The following DBX2 variants were observed in gnomAD, a reference collection of about 807,000 sequenced individuals.
DBX2 encodes the protein homeobox protein DBX2.
DBX2 carries 16 observed loss-of-function variants against 17.7 expected under a neutral mutation model. That is an observed-to-expected ratio of 0.90 (90% CI 0.61 to 1.37). The LOEUF is 1.37. DBX2 is among the 40% of genes most tolerant of loss of function. DBX2 has a pLI of 0.00. For missense variants in DBX2, 538 were observed against 433.8 expected (o/e 1.24, Z -2.13); for synonymous variants, 255 against 183.8 (o/e 1.39, Z -3.13).
intron 1 of DBX2, among the ~76,000 whole-genome samples, chr12:45,041,122 A>G (rs1592758279): frequency 6.7e-6 from 1 of 148,374 alleles, no homozygotes; most frequent in African/African-American, 2.4e-5. Flanking sequence ...ACAAATAATA[A>G]TATTAATAAA....
chr12:45,046,962 T>C (rs557779191), intron 1 of DBX2, among the ~76,000 whole-genome samples: 4 of 152,202 alleles, frequency 2.6e-5, no homozygotes, highest in African/African-American at 7.2e-5. Flanking sequence ...AGCAGAAGAA[T>C]AGATTTAATA....
chr12:45,031,225 T>TGTGTGAGAGAGA (rs1377897653), intron 2 of DBX2, among the ~76,000 whole-genome samples: 78 of 85,650 alleles, frequency 9.1e-4, no homozygotes, highest in Admixed American at 1.2e-3. Flanking sequence ...TGTGTGTGTG[T>TGTGTGAGAGAGA]GAGAGAGAGA....
intron 2 of DBX2, among the ~76,000 whole-genome samples, chr12:45,028,109 T>C (rs930704844): frequency 1.3e-5 from 2 of 152,150 alleles, no homozygotes; most frequent in African/African-American, 4.8e-5. Context: ...TGCAGAGGCA[T>C]GAAGCCAGGT....
At chr12:45,022,588 G>A (rs1210182032) in intron 3 of DBX2, among the ~76,000 whole-genome samples, 1 of 152,072 alleles carries the variant, frequency 6.6e-6, no homozygotes, top group Non-Finnish European at 1.5e-5. Context: ...ACAGGTGTGA[G>A]CCACCGCGCC....
At chr12:45,020,907 C>T (rs1181642411) in intron 3 of DBX2, among the ~76,000 whole-genome samples, 5 of 151,940 alleles carry the variant, frequency 3.3e-5, no homozygotes, top group Admixed American at 1.3e-4. Context: ...TTCAAACAAG[C>T]GCCATTTGTA....
Position 45,023,782 on chromosome 12 carries a change from C to T in DBX2, c.612G>A (p.Met204Ile), listed in dbSNP as rs1946365671. The T allele has an allele frequency of 6.2e-7, 1 of 1,614,016 alleles. No homozygotes were observed. Among genetic ancestry groups the T allele is most frequent in the Non-Finnish European group, 8.5e-7 (1 of 1,179,962 alleles). The part of the protein sequence containing the change: ...SEDQRKALEK[M>I]FQKQKYISKT... The stretch of plus-strand genomic sequence containing the variant: ...TGCTGATATATTTCTGTTTCTGAAA[C>T]ATTTTCTCCAGAGCCTTTCTCTGGT... The change falls in exon 3 of 4, where the codon ATG (methionine) becomes ATA (isoleucine). Residue 204 changes from methionine (M) to isoleucine (I), a missense_variant. Transcript: ENST00000332700.
intron 2 of DBX2, among the ~76,000 whole-genome samples, chr12:45,030,842 A>G (rs2256695): frequency 0.99 from 150,727 of 152,322 alleles, 74,597 homozygotes; most frequent in East Asian, 1. Context: ...ACTCAAGCCA[A>G]GGGCTACCAA....
chr12:45,029,089 C>T (rs1946395911), intron 2 of DBX2, among the ~76,000 whole-genome samples: 1 of 152,144 alleles, frequency 6.6e-6, no homozygotes, highest in South Asian at 2.1e-4. Context: ...TTTATGTCTC[C>T]AAAACACATG....
At chr12:45,017,828 T>A (rs1295542684) in intron 3 of DBX2, among the ~76,000 whole-genome samples, 1 of 152,164 alleles carries the variant, frequency 6.6e-6, no homozygotes, top group African/African-American at 2.4e-5. Flanking sequence ...TTGCATCACA[T>A]CCTTACACTA....
At chr12:45,039,533 T>C (rs370394819) in intron 1 of DBX2, among the ~76,000 whole-genome samples, 14 of 151,722 alleles carry the variant, frequency 9.2e-5, no homozygotes, top group South Asian at 6.2e-4. Context: ...CTAGATGCAG[T>C]TGCTTAATCA....
At chr12:45,024,111 T>G (rs548945875) in intron 2 of DBX2, among the ~76,000 whole-genome samples, 84 of 152,110 alleles carry the variant, frequency 5.5e-4, no homozygotes, top group Non-Finnish European at 6.3e-4. Flanking sequence ...TCGTGGGAGG[T>G]AATTGAATCA....
rs576898260 is a variant in DBX2 at position 45,023,874 on chromosome 12, G to A, written c.520C>T (p.Leu174Phe). 1.7e-5 allele frequency: 27 copies of A among 1,574,370 alleles called. No homozygotes were observed. Among genetic ancestry groups the A allele is most frequent in the Non-Finnish European group, 2.2e-5 (26 of 1,165,180 alleles). Residue 174 changes from leucine to phenylalanine, a missense_variant, in exon 3 of 4, where the codon CTC becomes TTC. Coordinates refer to ENST00000332700, the MANE Select transcript of DBX2 (RefSeq NM_001004329.3). The stretch of plus-strand genomic sequence containing the variant: ...TTGGAATTAGAGTCCTGTGTCAGGA[G>A]AGGCAGCATGCTCTCTTCTCCTAGA... ...AFPREESMLP[L>F]LTQDSNSKAR...
intron 2 of DBX2, among the ~76,000 whole-genome samples, chr12:45,025,399 A>AT (rs1247203326): frequency 6.6e-6 from 1 of 152,138 alleles, no homozygotes; most frequent in Non-Finnish European, 1.5e-5. Flanking sequence ...CCCCTGCTTG[A>AT]TTTTAGCCCT....
At chr12:45,035,712 A>G (rs755289916) in intron 2 of DBX2, among the ~76,000 whole-genome samples, 1 of 152,096 alleles carries the variant, frequency 6.6e-6, no homozygotes. Context: ...TCTTTAAAGG[A>G]GTGTTGCTAC....
chr12:45,036,608 G>A (rs1946442500), intron 1 of DBX2, among the ~76,000 whole-genome samples: 1 of 152,088 alleles, frequency 6.6e-6, no homozygotes, highest in African/African-American at 2.4e-5. Flanking sequence ...ATATTAAATA[G>A]CACAGCTCTA....
At chr12:45,047,976 T>G (rs763210365) in intron 1 of DBX2, among the ~76,000 whole-genome samples, 1 of 152,092 alleles carries the variant, frequency 6.6e-6, no homozygotes, top group East Asian at 1.9e-4. Flanking sequence ...GTACAGAACA[T>G]GGAATGTAAG....
At chr12:45,029,916 A>AATAAATAAATAAATAAAAG (rs1565582731) in intron 2 of DBX2, among the ~76,000 whole-genome samples, 3 of 151,356 alleles carry the variant, frequency 2.0e-5, no homozygotes, top group African/African-American at 7.3e-5. Flanking sequence ...ATAAATAAAA[A>AATAAATAAATAAATAAAAG]TAAAGAATGA....
At chr12:45,021,782 C>T (rs186294700) in intron 3 of DBX2, among the ~76,000 whole-genome samples, 88 of 152,260 alleles carry the variant, frequency 5.8e-4, no homozygotes, top group African/African-American at 1.9e-3. Context: ...CAACATAAGG[C>T]TTCAGAAAGA....
chr12:45,042,677 T>C (rs1946478145), intron 1 of DBX2, among the ~76,000 whole-genome samples: 1 of 152,204 alleles, frequency 6.6e-6, no homozygotes. Context: ...TGATGAACAC[T>C]ACATTTGAGA....
Sources: allele counts gnomAD v4.1 joint callset (sites outside exome capture counted in the v4.1 genomes callset), GRCh38; gene constraint gnomAD v4.1.1; transcripts MANE v1.5; gene names NCBI Gene and HGNC (gene_info 2026-07-23, HGNC 2026-07-21).